The following CDK14 variants were observed in gnomAD, a reference collection of about 807,000 sequenced individuals.
CDK14 encodes cyclin dependent kinase 14.
In CDK14, 34 loss-of-function variants were observed where a neutral mutation model predicts 60.7. The observed-to-expected ratio is 0.56, with a 90% confidence interval of 0.43 to 0.75. The LOEUF is 0.75. Among genes scored for constraint, CDK14 ranks in the 30% least tolerant of loss-of-function variants. The probability of loss-of-function intolerance (pLI) is 0.00; values close to 1 mark genes in which losing one functional copy is unlikely to be tolerated. For missense variants in CDK14, 482 were observed against 564.1 expected (o/e 0.85, Z 1.47); for synonymous variants, 197 against 203.7 (o/e 0.97, Z 0.28).
At chr7:90,612,849 C>T (rs1439286100) in intron 2 of CDK14, among the ~76,000 whole-genome samples, 1 of 151,256 alleles carries the variant, frequency 6.6e-6, no homozygotes, top group Non-Finnish European at 1.5e-5. Flanking sequence ...ATCTGCCAGT[C>T]CTAGATGCTA....
At chr7:90,899,430 C>T in intron 7 of CDK14, 77 bp downstream of exon 7, 1 of 1,087,360 alleles carries the variant, frequency 9.2e-7, no homozygotes, top group South Asian at 1.9e-5. Context: ...GCATCTCTAC[C>T]ATAACATATT....
chr7:90,746,749 A>G (rs1803607389), intron 3 of CDK14, among the ~76,000 whole-genome samples: 2 of 152,170 alleles, frequency 1.3e-5, no homozygotes, highest in African/African-American at 4.8e-5. Flanking sequence ...AAGATTGATG[A>G]GGTCACTCTC....
At chr7:90,664,571 A>C (rs1183068445) in intron 2 of CDK14, among the ~76,000 whole-genome samples, 3 of 152,234 alleles carry the variant, frequency 2.0e-5, no homozygotes, top group African/African-American at 7.2e-5. Context: ...TGGATTAAGA[A>C]AATATGGCAC....
chr7:90,725,652 A>G (rs1802610506), intron 2 of CDK14, among the ~76,000 whole-genome samples: 1 of 152,174 alleles, frequency 6.6e-6, no homozygotes, highest in African/African-American at 2.4e-5. Flanking sequence ...TTAGAGTTAT[A>G]TTTTCTTTAG....
intron 14 of CDK14, among the ~76,000 whole-genome samples, chr7:91,166,679 C>T (rs2115774093): frequency 6.6e-6 from 1 of 152,274 alleles, no homozygotes; most frequent in Admixed American, 6.5e-5. Context: ...CATAAGGCCC[C>T]TGAGTATGTG....
chr7:90,898,478 C>G (rs1460915617), intron 6 of CDK14, among the ~76,000 whole-genome samples: 1 of 152,016 alleles, frequency 6.6e-6, no homozygotes, highest in Non-Finnish European at 1.5e-5. Context: ...GGCACAAATG[C>G]TCATGTTCAT....
intron 4 of CDK14, among the ~76,000 whole-genome samples, chr7:90,787,135 C>T (rs570739601): frequency 6.6e-6 from 1 of 152,170 alleles, no homozygotes; most frequent in East Asian, 1.9e-4. Flanking sequence ...GAGAAAGTCA[C>T]AATGACTCTT....
In CDK14 at chr7:91,192,559, T is replaced by C. The variant is rs551532200; in HGVS notation, c.*29-14606T>C. On this transcript the variant is annotated intron_variant, in intron 14 of 14. Transcript: ENST00000380050. ...TTATGGGTGGCCACACTAAGAATAA[T>C]TGCAAGTTCTTGGCTGATGTTTTTA... is the stretch of plus-strand genomic sequence containing the variant. Among the ~76,000 whole-genome samples the C allele has an allele frequency of 2.6e-5, 4 of 152,266 alleles. No homozygotes were observed. In the East Asian group the frequency reaches 5.8e-4, roughly 22 times the overall value.
chr7:90,688,830 A>C (rs1801495835), intron 2 of CDK14, among the ~76,000 whole-genome samples: 1 of 152,160 alleles, frequency 6.6e-6, no homozygotes, highest in African/African-American at 2.4e-5. Flanking sequence ...CAATATTTAC[A>C]ATATGATTAT....
At chr7:90,656,658 G>A (rs1001451727) in intron 2 of CDK14, among the ~76,000 whole-genome samples, 1 of 152,168 alleles carries the variant, frequency 6.6e-6, no homozygotes, top group Non-Finnish European at 1.5e-5. Flanking sequence ...GATTACAGGC[G>A]TGAGCCACCG....
intron 5 of CDK14, among the ~76,000 whole-genome samples, chr7:90,861,746 A>AT (rs2117216274): frequency 6.6e-6 from 1 of 152,336 alleles, no homozygotes; most frequent in East Asian, 1.9e-4. Flanking sequence ...CAGCTGTAAA[A>AT]AGTACATAGA....
At chr7:90,879,831 G>T (rs754741337) in intron 6 of CDK14, among the ~76,000 whole-genome samples, 1 of 151,724 alleles carries the variant, frequency 6.6e-6, no homozygotes, top group Non-Finnish European at 1.5e-5. Context: ...AGAAGGAAGA[G>T]CAGTGTGGTA....
intron 2 of CDK14, among the ~76,000 whole-genome samples, chr7:90,636,756 TCTGGTCCTGGACTC>T (rs1414956668): frequency 4.6e-5 from 7 of 152,224 alleles, no homozygotes; most frequent in Non-Finnish European, 8.8e-5. Flanking sequence ...TATGAATCCA[TCTGGTCCTGGACTC>T]TTTTTGGTTG....
intron 2 of CDK14, among the ~76,000 whole-genome samples, chr7:90,654,869 CTG>C: frequency 6.6e-6 from 1 of 152,298 alleles, no homozygotes; most frequent in Admixed American, 6.5e-5. Flanking sequence ...AGGGTTCACT[CTG>C]TGTTGTGCCG....
intron 10 of CDK14, among the ~76,000 whole-genome samples, chr7:91,029,485 GT>G (rs764273408): frequency 7.4e-4 from 107 of 144,036 alleles, no homozygotes; most frequent in South Asian, 2.6e-3. Flanking sequence ...TATCATTTCT[GT>G]TTTTTTTTTT....
chr7:90,771,085 T>C (rs1164639893), intron 4 of CDK14, among the ~76,000 whole-genome samples: 2 of 152,182 alleles, frequency 1.3e-5, no homozygotes, highest in African/African-American at 2.4e-5. Context: ...TGTTAGTAAT[T>C]TTCCATCCAC....
intron 9 of CDK14, among the ~76,000 whole-genome samples, chr7:90,974,262 GT>G (rs894923995): frequency 3.3e-5 from 5 of 151,320 alleles, no homozygotes; most frequent in Admixed American, 1.3e-4. Context: ...CTGTTATTCT[GT>G]TTTTTTTCAG....
intron 3 of CDK14, among the ~76,000 whole-genome samples, chr7:90,731,348 A>C (rs139710847): frequency 0.016 from 2,336 of 150,658 alleles, 20 homozygotes; most frequent in Middle Eastern, 0.027. Context: ...TCCATATGAA[A>C]TTTAAAGTAG....
intron 14 of CDK14, among the ~76,000 whole-genome samples, chr7:91,201,296 T>G (rs10279283): frequency 0.64 from 97,015 of 151,878 alleles, 31,229 homozygotes; most frequent in South Asian, 0.78. Context: ...TCTTCTCTGT[T>G]AGGCATATTT....
Sources: allele counts gnomAD v4.1 joint callset (sites outside exome capture counted in the v4.1 genomes callset), GRCh38; gene constraint gnomAD v4.1.1; transcripts MANE v1.5; gene names NCBI Gene and HGNC (gene_info 2026-07-23, HGNC 2026-07-21).